Variants in TRIP4 observed in about 807,000 individuals in gnomAD.
TRIP4 encodes the protein thyroid hormone receptor interactor 4.
In TRIP4, 54 loss-of-function variants were observed where a neutral mutation model predicts 81.8. The observed-to-expected ratio is 0.66, with a 90% CI of 0.53 to 0.83. The LOEUF is 0.83. Among genes scored for constraint, TRIP4 ranks in the 40% least tolerant of loss-of-function variants. The pLI is 0.00. For synonymous variants in TRIP4, 270 were observed against 242.8 expected, an observed-to-expected ratio of 1.11 and a Z score of -1.04; for missense variants, 662 against 683.6, an observed-to-expected ratio of 0.97 and a Z score of 0.35.
intron 2 of TRIP4, among the ~76,000 whole-genome samples, chr15:64,394,665 G>A (rs976079206): frequency 6.6e-6 from 1 of 151,366 alleles, no homozygotes; most frequent in Admixed American, 6.6e-5. Flanking sequence ...ACACAAATGT[G>A]GCTTCAGAAT....
intron 7 of TRIP4, among the ~76,000 whole-genome samples, 192 bp from the exon 8 acceptor site, chr15:64,413,893 A>G (rs1433194270): frequency 6.6e-6 from 1 of 152,192 alleles, no homozygotes; most frequent in Non-Finnish European, 1.5e-5. Flanking sequence ...GCCATTCTGC[A>G]ATATTCATTA....
chr15:64,455,068 A>G lies in TRIP4; in HGVS notation c.*4A>G. 1 of 1,613,946 alleles carries G rather than the reference A, an allele frequency of 6.2e-7. No individual in the cohort carries two copies. Among genetic ancestry groups the G allele is most frequent in the East Asian group, 2.2e-5 (1 of 44,854 alleles). On this transcript the variant is annotated 3_prime_UTR_variant, in exon 13 of 13. Coordinates refer to ENST00000261884, the MANE Select transcript of TRIP4 (RefSeq NM_016213.5). ...GAAGCAGAATAAAGCTGTCTGACCC[A>G]GGAGAAAAGGAACTATACAGCATAG...
chr15:64,397,126 C>T (rs1038835951), intron 3 of TRIP4, among the ~76,000 whole-genome samples: 3 of 152,110 alleles, frequency 2.0e-5, no homozygotes, highest in East Asian at 1.9e-4. Context: ...GGCGTCAACT[C>T]GACTAACTGC....
intron 11 of TRIP4, among the ~76,000 whole-genome samples, chr15:64,438,958 C>G (rs923602464): frequency 1.3e-5 from 2 of 152,198 alleles, no homozygotes; most frequent in Non-Finnish European, 2.9e-5. Flanking sequence ...TGGATTGTCT[C>G]TGTAGCATTG....
At chr15:64,445,214 T>TATAAC in intron 12 of TRIP4, 106 bp downstream of exon 12, 1 of 584,108 alleles carries the variant, frequency 1.7e-6, no homozygotes, top group Non-Finnish European at 3.0e-6. Flanking sequence ...GAACAATCAG[T>TATAAC]TGAGGTAACC....
In TRIP4 at chr15:64,393,908, T is replaced by C. The variant is rs201638837; in HGVS notation, c.102-38T>C. The stretch of plus-strand genomic sequence containing the variant: ...AAGATTACTGAGAAACAGTGTAAGT[T>C]AGTCTTGTTTCAACAACTTATATCT... On this transcript the variant is annotated intron_variant, in intron 1 of 12. Coordinates refer to ENST00000261884, the MANE Select transcript of TRIP4 (RefSeq NM_016213.5). The C allele has an allele frequency of 4.0e-5, 61 of 1,531,326 alleles. No homozygotes were observed. The African/African-American group carries it at 8.3e-4, about 21-fold the overall frequency. 94.9% of individuals were successfully genotyped at this position (1,531,326 alleles called of 1,614,324 possible).
chr15:64,410,760 G>GTTGGAAGAAAATAT (rs1891744158), intron 7 of TRIP4, among the ~76,000 whole-genome samples: 1 of 152,094 alleles, frequency 6.6e-6, no homozygotes, highest in African/African-American at 2.4e-5. Flanking sequence ...ACAGTACCAA[G>GTTGGAAGAAAATAT]TTGGAAGAAA....
intron 8 of TRIP4, among the ~76,000 whole-genome samples, chr15:64,417,081 C>T (rs2140296653): frequency 6.6e-6 from 1 of 152,258 alleles, no homozygotes; most frequent in East Asian, 1.9e-4. Context: ...GATCATAGCT[C>T]ACTGCAGCCT....
chr15:64,438,732 G>A (rs1046447384), intron 11 of TRIP4, among the ~76,000 whole-genome samples: 1 of 152,170 alleles, frequency 6.6e-6, no homozygotes, highest in African/African-American at 2.4e-5. Flanking sequence ...AAAGTTATGA[G>A]GTTAATTTTA....
At chr15:64,428,199 G>A (rs1892191442) in intron 11 of TRIP4, among the ~76,000 whole-genome samples, 1 of 152,128 alleles carries the variant, frequency 6.6e-6, no homozygotes, top group South Asian at 2.1e-4. Flanking sequence ...ACTACCACCT[G>A]ATACAAGGTC....
intron 5 of TRIP4, among the ~76,000 whole-genome samples, chr15:64,404,688 A>G (rs1377598595): frequency 6.6e-6 from 1 of 152,030 alleles, no homozygotes; most frequent in Non-Finnish European, 1.5e-5. Context: ...ATTCTGAGAA[A>G]AAATAGTTCT....
chr15:64,441,803 G>C (rs985182649), intron 11 of TRIP4, among the ~76,000 whole-genome samples: 5 of 152,194 alleles, frequency 3.3e-5, no homozygotes, highest in African/African-American at 1.2e-4. Flanking sequence ...TAAAAAATAA[G>C]GCTGGAGAGG....
At chr15:64,410,363 A>C (rs904704170) in intron 7 of TRIP4, among the ~76,000 whole-genome samples, 5 of 152,196 alleles carry the variant, frequency 3.3e-5, no homozygotes, top group African/African-American at 1.2e-4. Flanking sequence ...TAGTATGGGC[A>C]CAGAAATAGA....
intron 12 of TRIP4, among the ~76,000 whole-genome samples, chr15:64,454,083 T>TA (rs1218240935): frequency 6.6e-6 from 1 of 152,080 alleles, no homozygotes; most frequent in African/African-American, 2.4e-5. Flanking sequence ...GCCTGTGGTA[T>TA]ACTCAGCTGC....
At chr15:64,411,954 A>G (rs1891776049) in intron 7 of TRIP4, among the ~76,000 whole-genome samples, 1 of 143,678 alleles carries the variant, frequency 7.0e-6, no homozygotes, top group Non-Finnish European at 1.5e-5. Flanking sequence ...GTGCTGGGAT[A>G]CAGGCGTGAA....
rs1566973259 is a variant in TRIP4 at position 64,400,734 on chromosome 15, ATTT to A, written c.619-7_619-5del. ...TTGGATCACATGTCTTACTCTTACT[ATTT>A]TACAGGTGTGTACTCATGAGGAACA... On this transcript the variant is annotated splice_region_variant and splice_polypyrimidine_tract_variant and intron_variant, in intron 4 of 12. Coordinates refer to ENST00000261884, the MANE Select transcript of TRIP4 (RefSeq NM_016213.5). The A allele has an allele frequency of 6.2e-7, 1 of 1,611,352 alleles. No homozygotes were observed. The highest frequency in any genetic ancestry group is 1.1e-5 in the South Asian group (1 of 91,016).
intron 1 of TRIP4, among the ~76,000 whole-genome samples, chr15:64,390,793 G>A (rs1440436379): frequency 4.6e-5 from 7 of 151,996 alleles, no homozygotes; most frequent in South Asian, 4.2e-4. Context: ...TACTCGGGAG[G>A]CTGAGGCAGG....
In TRIP4 at chr15:64,395,389, T is replaced by C. The variant is rs1224155948; in HGVS notation, c.272-9T>C. ...GTGTGTGTGTATTTTTTTTTTTCTA[T>C]CTTTAAAGAAATTTTAGATGGGCAG... is the stretch of plus-strand genomic sequence containing the variant. On this transcript the variant is annotated splice_polypyrimidine_tract_variant and intron_variant, in intron 2 of 12. Transcript: ENST00000261884. 11 of 1,597,340 alleles carry C rather than the reference T, an allele frequency of 6.9e-6. No homozygotes were observed. The highest frequency in any genetic ancestry group is 5.4e-5 in the African/African-American group (4 of 73,516).
rs1162644540 is a variant in TRIP4 at position 64,389,463 on chromosome 15, CT to C, written c.101+1500del. On this transcript the variant is annotated intron_variant, in intron 1 of 12. Transcript: ENST00000261884. ...CCTGGGCAACATAGTGAGACCCTGTCTCTACAGAAATAAAAAAAGTAAACAA... is the reference window on the plus strand; with the variant it reads ...CCTGGGCAACATAGTGAGACCCTGTCCTACAGAAATAAAAAAAGTAAACAA... Among the ~76,000 whole-genome samples, 14 of 152,060 alleles carry C rather than the reference CT, an allele frequency of 9.2e-5. No individual in the cohort carries two copies. In the East Asian group the frequency reaches 2.3e-3, roughly 25 times the overall value.
Sources: allele counts gnomAD v4.1 joint callset (sites outside exome capture counted in the v4.1 genomes callset), GRCh38; gene constraint gnomAD v4.1.1; transcripts MANE v1.5; gene names NCBI Gene and HGNC (gene_info 2026-07-23, HGNC 2026-07-21).